RGL1: variants seen among roughly 807,000 people sequenced by gnomAD.
RGL1 encodes ral guanine nucleotide dissociation stimulator like 1.
RGL1 carries 24 observed loss-of-function variants against 95.2 expected under a neutral mutation model. The observed-to-expected ratio is 0.25, with a 90% CI of 0.18 to 0.35. RGL1 has a LOEUF of 0.35. RGL1 is among the 10% of genes least tolerant of loss of function. RGL1 has a pLI of 1.00. For missense variants in RGL1, 715 were observed against 936.3 expected (o/e 0.76, Z 3.08); for synonymous variants, 329 against 344.9 (o/e 0.95, Z 0.51).
At chr1:183,901,529 C>A (rs1046822345) in intron 11 of RGL1, among the ~76,000 whole-genome samples, 3 of 151,970 alleles carry the variant, frequency 2.0e-5, no homozygotes. Flanking sequence ...AAACAAAAAA[C>A]CCCACAAGAC....
At chr1:183,752,451 T>G (rs1294593949) in intron 2 of RGL1, among the ~76,000 whole-genome samples, 1 of 152,104 alleles carries the variant, frequency 6.6e-6, no homozygotes, top group African/African-American at 2.4e-5. Flanking sequence ...GGTCTCGATC[T>G]CTTGACCTTG....
intron 2 of RGL1, among the ~76,000 whole-genome samples, chr1:183,825,436 G>A (rs930131109): frequency 1.4e-4 from 22 of 152,194 alleles, no homozygotes; most frequent in African/African-American, 5.3e-4. Flanking sequence ...GGAGGTAGCA[G>A]CAGTAACAGG....
chr1:183,766,346 T>C (rs1190311205), intron 2 of RGL1, among the ~76,000 whole-genome samples: 1 of 152,128 alleles, frequency 6.6e-6, no homozygotes, highest in Non-Finnish European at 1.5e-5. Context: ...TCACTTTTTT[T>C]TTTTACTACT....
At chr1:183,887,509 G>C (rs951162260) in intron 7 of RGL1, among the ~76,000 whole-genome samples, 8 of 152,062 alleles carry the variant, frequency 5.3e-5, no homozygotes, top group South Asian at 2.1e-4. Context: ...TGCTCACATG[G>C]TGTACTCACT....
chr1:183,645,110 C>G (rs1424458887), intron 1 of RGL1, among the ~76,000 whole-genome samples: 5 of 152,308 alleles, frequency 3.3e-5, no homozygotes, highest in Non-Finnish European at 5.9e-5. Context: ...ATGGACTCCT[C>G]TAATCCATAA....
chr1:183,707,470 G>A (rs114492887), intron 1 of RGL1, among the ~76,000 whole-genome samples: 3 of 152,318 alleles, frequency 2.0e-5, no homozygotes, highest in African/African-American at 4.8e-5. Context: ...TCTAGCACAG[G>A]CGCTGAAGTA....
chr1:183,683,071 A>G (rs145515763), intron 1 of RGL1, among the ~76,000 whole-genome samples: 73 of 151,716 alleles, frequency 4.8e-4, no homozygotes, highest in African/African-American at 1.4e-3. Context: ...GTGTTTCTGC[A>G]TGTGAGATGG....
intron 6 of RGL1, 59 bp from the exon 7 acceptor site, chr1:183,884,664 A>C: frequency 7.0e-7 from 1 of 1,426,404 alleles, no homozygotes; most frequent in Non-Finnish European, 9.8e-7. Context: ...CCCAGATGAC[A>C]TGCTTTGCCA....
At chr1:183,797,196 G>T (rs940394844) in intron 2 of RGL1, among the ~76,000 whole-genome samples, 3 of 152,162 alleles carry the variant, frequency 2.0e-5, no homozygotes, top group African/African-American at 7.2e-5. Flanking sequence ...GGGCGTGGTG[G>T]TGGGCACATG....
chr1:183,802,123 CAATTT>C (rs1661025603), upstream of RGL1, among the ~76,000 whole-genome samples: 1 of 152,150 alleles, frequency 6.6e-6, no homozygotes, highest in Non-Finnish European at 1.5e-5. Flanking sequence ...AATAAATGTC[CAATTT>C]CATTCTTTTA....
rs758635338 is a variant in RGL1, at chr1:183,718,602, C to T, written c.-32-23524C>T. On this transcript the variant is annotated intron_variant, in intron 1 of 18. Coordinates refer to the RGL1 transcript ENST00000304685. ...GAATCCTGGATCCACTACTACTGGTCGTGTGATGAAGAGTCAGTTCTGTGA... is the reference window on the plus strand; with the variant it reads ...GAATCCTGGATCCACTACTACTGGTTGTGTGATGAAGAGTCAGTTCTGTGA... 4.5e-4 allele frequency among the ~76,000 whole-genome samples: 68 copies of T among 152,190 alleles called. 1 individual carries two copies. The highest frequency in any genetic ancestry group is 9.0e-4 in the Non-Finnish European group (61 of 68,020).
chr1:183,920,473 T>C (rs7554987), intron 16 of RGL1, among the ~76,000 whole-genome samples: 88,302 of 152,154 alleles, frequency 0.58, 25,673 homozygotes, highest in African/African-American at 0.6. Flanking sequence ...ATCATAAGTT[T>C]GATTCAGCAT....
intron 13 of RGL1, among the ~76,000 whole-genome samples, chr1:183,906,210 G>A (rs138757614): frequency 0.01 from 1,524 of 152,208 alleles, 26 homozygotes; most frequent in African/African-American, 0.035. Flanking sequence ...CCTAAGCTCT[G>A]AAGATGGCTG....
At chr1:183,732,958 T>TCA (rs1656716156) in intron 1 of RGL1, among the ~76,000 whole-genome samples, 1 of 152,142 alleles carries the variant, frequency 6.6e-6, no homozygotes, top group Non-Finnish European at 1.5e-5. Context: ...CTTAAAACCT[T>TCA]TTGGTTCACT....
chr1:183,916,356 C>A, intron 15 of RGL1, 91 bp from the exon 16 acceptor site: 1 of 1,456,456 alleles, frequency 6.9e-7, no homozygotes, highest in Non-Finnish European at 9.4e-7. Context: ...TGCAGTCTAT[C>A]AGTCTTGATA....
intron 1 of RGL1, among the ~76,000 whole-genome samples, chr1:183,666,800 T>C (rs890943940): frequency 3.3e-5 from 5 of 151,572 alleles, no homozygotes; most frequent in African/African-American, 1.2e-4. Flanking sequence ...AAGTGTTTCC[T>C]GTTAGCTTGA....
chr1:183,664,374 C>G (rs1453686288), intron 1 of RGL1, among the ~76,000 whole-genome samples: 1 of 152,036 alleles, frequency 6.6e-6, no homozygotes, highest in Non-Finnish European at 1.5e-5. Flanking sequence ...CATATAGGAT[C>G]ATGTCATTTA....
chr1:183,890,182 C>T (rs1057284324), intron 8 of RGL1, among the ~76,000 whole-genome samples: 1 of 152,072 alleles, frequency 6.6e-6, no homozygotes, highest in Non-Finnish European at 1.5e-5. Context: ...TAGCCTTACT[C>T]AATTGATTGC....
intron 3 of RGL1, among the ~76,000 whole-genome samples, chr1:183,857,951 C>G (rs761001285): frequency 2.0e-5 from 3 of 152,158 alleles, no homozygotes; most frequent in Non-Finnish European, 4.4e-5. Flanking sequence ...CATAGCCAGG[C>G]TAGCTTTCTT....
Sources: gnomAD v4.1 joint callset for allele counts (sites outside exome capture counted in the v4.1 genomes callset) on GRCh38, gnomAD v4.1.1 for gene constraint, MANE v1.5 for transcripts, NCBI Gene and HGNC (gene_info 2026-07-23, HGNC 2026-07-21) for gene names.